Variants in CAV1 observed in about 807,000 individuals in gnomAD.
CAV1 encodes caveolin-1.
In CAV1, 10 loss-of-function variants were observed where a neutral mutation model predicts 16.5. The observed-to-expected ratio is 0.61, with a 90% CI of 0.37 to 1.03. The LOEUF (loss-of-function observed/expected upper bound fraction) is 1.03, where lower values mean the gene tolerates loss of function less well. Among genes scored for constraint, CAV1 ranks in the 50% least tolerant of loss-of-function variants. The probability of loss-of-function intolerance (pLI) is 0.01; values close to 1 mark genes in which losing one functional copy is unlikely to be tolerated. For synonymous variants in CAV1, 76 were observed against 85.1 expected, an observed-to-expected ratio of 0.89 and a Z score of 0.59; for missense variants, 212 against 232.8, an observed-to-expected ratio of 0.91 and a Z score of 0.58.
At chr7:116,526,213 C>A in intron 1 of CAV1, 2 of 959,062 alleles carry the variant, frequency 2.1e-6, no homozygotes, top group Non-Finnish European at 2.5e-6. Flanking sequence ...CCGGGGCGTG[C>A]GCGGGCGGGG....
chr7:116,541,743 G>T (rs1279846572), intron 2 of CAV1, among the ~76,000 whole-genome samples: 1 of 111,554 alleles, frequency 9.0e-6, no homozygotes, highest in Non-Finnish European at 1.8e-5. Context: ...AACCGAGTGA[G>T]AGCCTGCCTC....
rs143907154 is a variant in CAV1, at chr7:116,539,634, G to A, written c.195+12945G>A. 2.0e-5 allele frequency among the ~76,000 whole-genome samples: 3 copies of A among 152,226 alleles called. No individual in the cohort carries two copies. In the East Asian group the frequency reaches 5.8e-4, roughly 29 times the overall value. ...AGAGAAAACTCATTCTAATATGTGT[G>A]TATATTTAAAATATTTGTTATTTAG... On this transcript the variant is annotated intron_variant, in intron 2 of 2. Transcript: ENST00000341049.
intron 2 of CAV1, among the ~76,000 whole-genome samples, chr7:116,532,238 C>CA (rs1562828923): frequency 6.6e-6 from 1 of 152,194 alleles, no homozygotes; most frequent in Non-Finnish European, 1.5e-5. Context: ...TAGTGAGCTG[C>CA]ATCTGGAAAG....
intron 2 of CAV1, among the ~76,000 whole-genome samples, chr7:116,534,270 C>T (rs1409867930): frequency 6.8e-6 from 1 of 146,600 alleles, no homozygotes; most frequent in Non-Finnish European, 1.5e-5. Flanking sequence ...ACCCCATAGC[C>T]TCTTTATAAA....
chr7:116,558,851 T>C (rs1414904235), intron 2 of CAV1, 95 bp from the exon 3 acceptor site: 7 of 920,642 alleles, frequency 7.6e-6, no homozygotes, highest in Non-Finnish European at 1.2e-5. Context: ...AACTCATAAA[T>C]GCTAATACAG....
chr7:116,545,890 A>G (rs1049756121), intron 2 of CAV1, among the ~76,000 whole-genome samples: 3 of 152,266 alleles, frequency 2.0e-5, no homozygotes, highest in African/African-American at 7.2e-5. Context: ...CACAGAATTT[A>G]GCGAAGAATC....
chr7:116,543,564 G>A (rs1793981221), intron 2 of CAV1, among the ~76,000 whole-genome samples: 1 of 152,192 alleles, frequency 6.6e-6, no homozygotes, highest in Non-Finnish European at 1.5e-5. Flanking sequence ...TTCTAAGATG[G>A]ATCAGAAAAT....
rs2302388 is a variant in CAV1 at position 116,550,874 on chromosome 7, A to G, written c.196-8072A>G. ...AGTAAATAATGCTCATTTATCCTTA[A>G]CCAGTAATACATACTTATGGGCTTA... is the stretch of plus-strand genomic sequence containing the variant. On this transcript the variant is annotated intron_variant, in intron 2 of 2. Coordinates refer to ENST00000341049, the MANE Select transcript of CAV1 (RefSeq NM_001753.5). 2.2e-4 allele frequency among the ~76,000 whole-genome samples: 34 copies of G among 152,308 alleles called. No individual in the cohort carries two copies. In the East Asian group the frequency reaches 5.4e-3, roughly 24 times the overall value.
intron 2 of CAV1, among the ~76,000 whole-genome samples, chr7:116,557,707 C>A (rs981964075): frequency 6.6e-6 from 1 of 151,900 alleles, no homozygotes; most frequent in Admixed American, 6.6e-5. Flanking sequence ...ATCTCTGGAA[C>A]CTTCTTTTCT....
intron 1 of CAV1, 176 bp from the exon 2 acceptor site, chr7:116,526,349 G>T (rs1379793378): frequency 9.4e-6 from 14 of 1,482,420 alleles, no homozygotes; most frequent in African/African-American, 1.4e-5. Context: ...CTGGCTACGC[G>T]CAGGCGGTTT....
At chr7:116,534,151 G>A (rs1363888374) in intron 2 of CAV1, among the ~76,000 whole-genome samples, 1 of 151,656 alleles carries the variant, frequency 6.6e-6, no homozygotes, top group Non-Finnish European at 1.5e-5. Flanking sequence ...CCGGGAGGCA[G>A]AAGTTACAGT....
chr7:116,554,289 T>G (rs1794220597), intron 2 of CAV1, among the ~76,000 whole-genome samples: 1 of 152,184 alleles, frequency 6.6e-6, no homozygotes, highest in South Asian at 2.1e-4. Flanking sequence ...TCCTTCCTGT[T>G]TTTTTCACCA....
At chr7:116,552,226 A>C (rs1028816066) in intron 2 of CAV1, among the ~76,000 whole-genome samples, 1 of 152,142 alleles carries the variant, frequency 6.6e-6, no homozygotes, top group African/African-American at 2.4e-5. Context: ...CCAGATGAAA[A>C]GAATATATTA....
chr7:116,543,815 C>CGTTTG (rs1562833578), intron 2 of CAV1, among the ~76,000 whole-genome samples: 2 of 152,204 alleles, frequency 1.3e-5, no homozygotes, highest in East Asian at 3.9e-4. Context: ...CCATTTCTAT[C>CGTTTG]GTTTGTTTTG....
intron 2 of CAV1, among the ~76,000 whole-genome samples, chr7:116,548,409 T>A (rs1242487440): frequency 2.0e-5 from 3 of 152,188 alleles, no homozygotes; most frequent in African/African-American, 7.2e-5. Flanking sequence ...GTTAGGTTGC[T>A]GAGGAGTAAG....
chr7:116,537,342 T>A (rs1237230101), intron 2 of CAV1, among the ~76,000 whole-genome samples: 1 of 152,132 alleles, frequency 6.6e-6, no homozygotes, highest in African/African-American at 2.4e-5. Flanking sequence ...AGGGGGTTTG[T>A]GCAAGTGGGA....
Position 116,559,950 on chromosome 7 carries a change from C to T in CAV1, c.*663C>T. ...TAGATAACAAGACCTCAGTGCCTTCCTGTTTTTCACATTTTCCTTTTCAAA... is the reference window on the plus strand; with the variant it reads ...TAGATAACAAGACCTCAGTGCCTTCTTGTTTTTCACATTTTCCTTTTCAAA... On this transcript the variant is annotated 3_prime_UTR_variant, in exon 3 of 3. Coordinates refer to ENST00000341049, the MANE Select transcript of CAV1 (RefSeq NM_001753.5). 2.5e-6 allele frequency: 1 copy of T among 397,898 alleles called. No individual in the cohort carries two copies. The highest frequency in any genetic ancestry group is 4.4e-6 in the Non-Finnish European group (1 of 225,726). 24.6% of individuals were successfully genotyped at this position (397,898 alleles called of 1,614,324 possible). A position where few individuals can be genotyped will look rare whatever the true frequency, so the allele number is the denominator to read the frequency against.
At chr7:116,549,657 T>A (rs1049863224) in intron 2 of CAV1, among the ~76,000 whole-genome samples, 1 of 152,268 alleles carries the variant, frequency 6.6e-6, no homozygotes, top group South Asian at 2.1e-4. Flanking sequence ...TGTATCAAAG[T>A]GTGCTTGTAA....
At chr7:116,555,526 G>A (rs373796710) in intron 2 of CAV1, among the ~76,000 whole-genome samples, 575 of 5,662 alleles carry the variant, frequency 0.1, 92 homozygotes, top group South Asian at 0.18. Context: ...GAAAGAGAGA[G>A]AGAGAGAGAG....
Sources: allele counts gnomAD v4.1 joint callset (sites outside exome capture counted in the v4.1 genomes callset), GRCh38; gene constraint gnomAD v4.1.1; transcripts MANE v1.5; gene names NCBI Gene and HGNC (gene_info 2026-07-23, HGNC 2026-07-21).